The following SPMIP2 variants were observed in gnomAD, a reference collection of about 807,000 sequenced individuals.
The protein encoded by SPMIP2 is protein SPMIP2.
At chr4:158,945,951 A>G in the SPMIP2 span, among the ~76,000 whole-genome samples, 4 of 152,188 alleles carry the variant, frequency 2.6e-5, no homozygotes, top group Admixed American at 1.3e-4. Flanking sequence ...CATCACCACA[A>G]ATCATTTTGT....
the SPMIP2 span, among the ~76,000 whole-genome samples, chr4:158,986,463 C>T: frequency 6.6e-5 from 10 of 151,572 alleles, no homozygotes; most frequent in Middle Eastern, 3.4e-3. Context: ...CAGAACAAAG[C>T]CCTCAGAAAT....
chr4:158,949,989 T>A, the SPMIP2 span, among the ~76,000 whole-genome samples: 7 of 152,224 alleles, frequency 4.6e-5, no homozygotes, highest in Admixed American at 1.3e-4. Flanking sequence ...GTTTCTCTGG[T>A]CATGGCTGAC....
chr4:159,067,508 G>A, the SPMIP2 span, among the ~76,000 whole-genome samples: 1 of 152,276 alleles, frequency 6.6e-6, no homozygotes, highest in South Asian at 2.1e-4. Context: ...TGGGATTACA[G>A]GCGTGAGCCA....
the SPMIP2 span, chr4:159,007,336 C>G: frequency 1.4e-6 from 1 of 725,948 alleles, no homozygotes; most frequent in Non-Finnish European, 2.5e-6. Flanking sequence ...GCCCTCCACC[C>G]AAGGATGATG....
chr4:159,055,047 A>T, the SPMIP2 span, among the ~76,000 whole-genome samples: 1 of 152,174 alleles, frequency 6.6e-6, no homozygotes, highest in Non-Finnish European at 1.5e-5. Flanking sequence ...TGTCCTAAAG[A>T]CGTCCTTTAA....
the SPMIP2 span, among the ~76,000 whole-genome samples, chr4:158,941,636 G>C: frequency 1.3e-5 from 2 of 152,178 alleles, no homozygotes; most frequent in African/African-American, 4.8e-5. Context: ...TCTAGGCTGG[G>C]TGACAGAGGA....
the SPMIP2 span, among the ~76,000 whole-genome samples, chr4:159,034,038 G>A: frequency 2.6e-5 from 4 of 152,218 alleles, no homozygotes; most frequent in African/African-American, 9.7e-5. Context: ...TCGGGAGACT[G>A]AGGCAGGAGA....
At chr4:159,064,340 G>C in the SPMIP2 span, 3 of 152,216 alleles carry the variant, frequency 2.0e-5, no homozygotes, top group East Asian at 5.8e-4. Context: ...AGAAAGAGTA[G>C]AACAAGGAGT....
chr4:158,971,944 C>T, the SPMIP2 span, among the ~76,000 whole-genome samples: 1 of 152,078 alleles, frequency 6.6e-6, no homozygotes, highest in Admixed American at 6.6e-5. Flanking sequence ...AGAAGAGGCG[C>T]AAACAAAGAT....
At chr4:158,977,772 G>A in the SPMIP2 span, among the ~76,000 whole-genome samples, 1 of 151,770 alleles carries the variant, frequency 6.6e-6, no homozygotes, top group African/African-American at 2.4e-5. Flanking sequence ...CCGCCACCAC[G>A]CCCAGCTAAT....
the SPMIP2 span, chr4:158,907,490 T>C: frequency 6.6e-6 from 1 of 152,216 alleles, no homozygotes; most frequent in Non-Finnish European, 1.5e-5. Flanking sequence ...GCTCTTATAA[T>C]TAGGTCCTGA....
At chr4:158,980,429 G>A in the SPMIP2 span, among the ~76,000 whole-genome samples, 4 of 152,230 alleles carry the variant, frequency 2.6e-5, no homozygotes. Context: ...CCCAACAGGT[G>A]TTGACAGACA....
the SPMIP2 span, among the ~76,000 whole-genome samples, chr4:159,043,842 T>G: frequency 1.3e-5 from 2 of 152,196 alleles, no homozygotes; most frequent in African/African-American, 4.8e-5. Context: ...ACTTTTGATG[T>G]TAAAAGAGAA....
chr4:159,006,382 T>C, the SPMIP2 span, among the ~76,000 whole-genome samples: 1 of 152,206 alleles, frequency 6.6e-6, no homozygotes, highest in Non-Finnish European at 1.5e-5. Context: ...CTAGTGGCTT[T>C]AACCTGTGGG....
At chr4:158,927,393 G>A in the SPMIP2 span, among the ~76,000 whole-genome samples, 1,230 of 152,196 alleles carry the variant, frequency 8.1e-3, 19 homozygotes, top group African/African-American at 0.028. Context: ...TATACACAAC[G>A]TATACTTGAA....
the SPMIP2 span, among the ~76,000 whole-genome samples, chr4:159,073,520 A>G: frequency 6.6e-6 from 1 of 152,184 alleles, no homozygotes; most frequent in African/African-American, 2.4e-5. Flanking sequence ...CCAAAAAAAT[A>G]AATAAGTAAA....
the SPMIP2 span, among the ~76,000 whole-genome samples, chr4:158,961,117 T>C: frequency 3.2e-4 from 48 of 152,262 alleles, no homozygotes; most frequent in African/African-American, 1.1e-3. Flanking sequence ...AAAAAGTATT[T>C]CACTTCATTT....
At chr4:159,003,060 T>G in the SPMIP2 span, among the ~76,000 whole-genome samples, 1 of 152,232 alleles carries the variant, frequency 6.6e-6, no homozygotes, top group African/African-American at 2.4e-5. Context: ...CCTTTCATTT[T>G]TTCCTCCCCT....
chr4:159,048,937 A>C, the SPMIP2 span, among the ~76,000 whole-genome samples: 3 of 152,006 alleles, frequency 2.0e-5, no homozygotes, highest in African/African-American at 7.2e-5. Flanking sequence ...TTTTTTTTGA[A>C]TCGGAGTATA....
Sources: gnomAD v4.1 joint callset for allele counts (sites outside exome capture counted in the v4.1 genomes callset) on GRCh38, gnomAD v4.1.1 for gene constraint, MANE v1.5 for transcripts, NCBI Gene and HGNC (gene_info 2026-07-23, HGNC 2026-07-21) for gene names.